The following ZNF740 variants were observed in gnomAD, a reference collection of about 807,000 sequenced individuals.
ZNF740 encodes the protein oriLyt TD-element-binding protein 7.
ZNF740 carries 14 observed loss-of-function variants against 24.8 expected under a neutral mutation model. The observed-to-expected ratio is 0.56, with a 90% CI of 0.37 to 0.88. ZNF740 has a LOEUF of 0.88. Among genes scored for constraint, ZNF740 ranks in the 40% least tolerant of loss-of-function variants. The pLI is 0.00. For synonymous variants in ZNF740, 69 were observed against 84.0 expected (o/e 0.82, Z 0.98); for missense variants, 201 against 247.9 (o/e 0.81, Z 1.27).
At chr12:53,184,855 C>A in intron 2 of ZNF740, 36 bp from the exon 3 acceptor site, 1 of 1,596,158 alleles carries the variant, frequency 6.3e-7, no homozygotes, top group Non-Finnish European at 8.5e-7. Flanking sequence ...CCCTGCCCTG[C>A]CAGGTGACCT....
Position 53,192,345 on chromosome 12 carries a change from C to T in ZNF740, c.*4755C>T. The T allele has an allele frequency of 6.2e-7, 1 of 1,614,120 alleles. No individual in the cohort carries two copies. The highest frequency in any genetic ancestry group is 8.5e-7 in the Non-Finnish European group (1 of 1,180,038). ...GCCCACTTACTTTCTTGGGGTCTCA[C>T]TCTGAGCACGACCGTGCCTCTGGCG... On this transcript the variant is annotated 3_prime_UTR_variant, in exon 7 of 7. Coordinates refer to ENST00000416904, the MANE Select transcript of ZNF740 (RefSeq NM_001004304.4).
At position 53,192,902 on chromosome 12, in the gene ZNF740, G is replaced by A. The variant is rs765407166; in HGVS notation, c.*5312G>A. 33 of 1,613,776 alleles carry A rather than the reference G, an allele frequency of 2.0e-5. No homozygotes were observed. Among genetic ancestry groups the A allele is most frequent in the African/African-American group, 1.2e-4 (9 of 74,918 alleles). ...CAGTGACATACTCCACATTGGCAGC[G>A]ACCAAAGCCTGGGGTAGAGCCATGC... On this transcript the variant is annotated 3_prime_UTR_variant, in exon 7 of 7. Coordinates refer to ENST00000416904, the MANE Select transcript of ZNF740 (RefSeq NM_001004304.4).
intron 2 of ZNF740, among the ~76,000 whole-genome samples, chr12:53,184,252 G>A (rs1941779028): frequency 6.6e-6 from 1 of 151,092 alleles, no homozygotes; most frequent in African/African-American, 2.4e-5. Context: ...GCAGTGGCGC[G>A]ATTTCGGCTC....
In ZNF740 at chr12:53,192,673, C is replaced by G. The variant is rs780639538; in HGVS notation, c.*5083C>G. On this transcript the variant is annotated 3_prime_UTR_variant, in exon 7 of 7. Transcript: ENST00000416904. ...CCACTGTGCCCCTGCTCCCAAGATGCAAGACCTGAGGCCTCACCGGTGTCT... is the reference window on the plus strand; with the variant it reads ...CCACTGTGCCCCTGCTCCCAAGATGGAAGACCTGAGGCCTCACCGGTGTCT... 1.9e-6 allele frequency: 3 copies of G among 1,609,706 alleles called. No individual in the cohort carries two copies. Among genetic ancestry groups the G allele is most frequent in the South Asian group, 2.2e-5 (2 of 90,972 alleles).
In ZNF740 at chr12:53,191,805, G is replaced by A. The variant is rs1229999153; in HGVS notation, c.*4215G>A. 3 of 1,607,562 alleles carry A rather than the reference G, an allele frequency of 1.9e-6. No individual in the cohort carries two copies. Among genetic ancestry groups the A allele is most frequent in the Non-Finnish European group, 2.6e-6 (3 of 1,174,826 alleles). ...GAACCCAGTGGGAGGAATCAGGGCT[G>A]GTCTTGTGGTGGGGGAACAGCTAAA... On this transcript the variant is annotated 3_prime_UTR_variant, in exon 7 of 7. Transcript: ENST00000416904.
Position 53,194,416 on chromosome 12 carries a change from C to T in ZNF740, c.*6826C>T, listed in dbSNP as rs1942084910. On this transcript the variant is annotated 3_prime_UTR_variant, in exon 7 of 7. Transcript: ENST00000416904. ...CTCCAACCCCACCTTATGTCCTCTC[C>T]AGGTGTTCCCAATTCTGCCAGCACC... The T allele has an allele frequency of 2.0e-6, 3 of 1,484,510 alleles. No homozygotes were observed. The Admixed American group carries it at 5.7e-5, about 28-fold the overall frequency. 92.0% of individuals were successfully genotyped at this position (1,484,510 alleles called of 1,614,324 possible). A position where few individuals can be genotyped will look rare whatever the true frequency, so the allele number is the denominator to read the frequency against.
Position 53,187,656 on chromosome 12 carries a change from C to G in ZNF740, c.*66C>G. 7.6e-7 allele frequency: 1 copy of G among 1,324,084 alleles called. No homozygotes were observed. The highest frequency in any genetic ancestry group is 1.1e-6 in the Non-Finnish European group (1 of 927,616). The allele number at this position is 1,324,084 out of a possible 1,614,324, so 82.0% of individuals were successfully genotyped here. A position where few individuals can be genotyped will look rare whatever the true frequency, so the allele number is the denominator to read the frequency against. On this transcript the variant is annotated 3_prime_UTR_variant, in exon 7 of 7. Coordinates refer to ENST00000416904, the MANE Select transcript of ZNF740 (RefSeq NM_001004304.4). ...TGCCGAAGAGCACACCCCCTCTGGT[C>G]TGATGGTCCCACCACCGCCCCATGT...
chr12:53,186,258 T>G, intron 5 of ZNF740, 133 bp from the exon 6 acceptor site: 1 of 1,127,106 alleles, frequency 8.9e-7, no homozygotes, highest in Non-Finnish European at 1.3e-6. Context: ...ACCAGCACCT[T>G]TGGGGACCTC....
intron 4 of ZNF740, among the ~76,000 whole-genome samples, 172 bp from the exon 5 acceptor site, chr12:53,185,782 C>T (rs1308188535): frequency 6.6e-6 from 1 of 152,216 alleles, no homozygotes; most frequent in Non-Finnish European, 1.5e-5. Flanking sequence ...ACCCACTCCA[C>T]CTCCTTCCCC....
Position 53,193,561 on chromosome 12 carries a change from A to T in ZNF740, c.*5971A>T. 1.3e-6 allele frequency: 1 copy of T among 797,464 alleles called. No homozygotes were observed. Among genetic ancestry groups the T allele is most frequent in the Non-Finnish European group, 2.0e-6 (1 of 505,316 alleles). 49.4% of individuals were successfully genotyped at this position (797,464 alleles called of 1,614,324 possible). ...AGTCAGGGGGAGGGCCTGGACATAC[A>T]TGGGAAGCTTCAAGGGATGAAACTG... On this transcript the variant is annotated 3_prime_UTR_variant, in exon 7 of 7. Transcript: ENST00000416904.
chr12:53,185,067 C>T (rs750801721), intron 3 of ZNF740, 27 bp downstream of exon 3: 6 of 1,611,202 alleles, frequency 3.7e-6, no homozygotes, highest in Non-Finnish European at 3.4e-6. Context: ...CATTGTGGCA[C>T]CTGGGGATCG....
chr12:53,186,302 T>C (rs1941819307), intron 5 of ZNF740, 89 bp from the exon 6 acceptor site: 1 of 1,283,988 alleles, frequency 7.8e-7, no homozygotes, highest in Non-Finnish European at 1.1e-6. Context: ...GTCTACACAT[T>C]ACTAAGAGTT....
At position 53,193,774 on chromosome 12, in the gene ZNF740, C is replaced by T; in HGVS notation, c.*6184C>T. ...GTGGGGAGCCTGGGGCTGGGTGTCA[C>T]TGCAATTACAGTCACACAGCGTGTG... is the stretch of plus-strand genomic sequence containing the variant. On this transcript the variant is annotated 3_prime_UTR_variant, in exon 7 of 7. Coordinates refer to ENST00000416904, the MANE Select transcript of ZNF740 (RefSeq NM_001004304.4). 1 of 1,614,080 alleles carries T rather than the reference C, an allele frequency of 6.2e-7. No homozygotes were observed. The highest frequency in any genetic ancestry group is 8.5e-7 in the Non-Finnish European group (1 of 1,180,006).
At chr12:53,182,255 T>A in intron 2 of ZNF740, 1 of 517,412 alleles carries the variant, frequency 1.9e-6, no homozygotes, top group Non-Finnish European at 3.5e-6. Flanking sequence ...TCAGTTTACA[T>A]TTGGTACATT....
rs757663540 is a variant in ZNF740, at chr12:53,191,776, G to C, written c.*4186G>C. ...GGGTTGGTTACATGTGCCAGGGGCTGGGGGAACCCAGTGGGAGGAATCAGG... is the reference window on the plus strand; with the variant it reads ...GGGTTGGTTACATGTGCCAGGGGCTCGGGGAACCCAGTGGGAGGAATCAGG... On this transcript the variant is annotated 3_prime_UTR_variant, in exon 7 of 7. Transcript: ENST00000416904. 1.3e-6 allele frequency: 2 copies of C among 1,579,744 alleles called. No homozygotes were observed. Among genetic ancestry groups the C allele is most frequent in the Non-Finnish European group, 1.7e-6 (2 of 1,150,768 alleles).
intron 2 of ZNF740, among the ~76,000 whole-genome samples, chr12:53,182,460 A>C (rs781616311): frequency 6.6e-6 from 1 of 152,182 alleles, no homozygotes; most frequent in South Asian, 2.1e-4. Flanking sequence ...ATTTATTTTT[A>C]TATTCACAAT....
At chr12:53,184,282 G>C (rs11170462) in intron 2 of ZNF740, among the ~76,000 whole-genome samples, 3 of 151,688 alleles carry the variant, frequency 2.0e-5, no homozygotes, top group East Asian at 2.0e-4. Flanking sequence ...TCCGCCTCCC[G>C]GGTTCAAGCA....
chr12:53,194,435 C>G lies in ZNF740; in HGVS notation c.*6845C>G. The G allele has an allele frequency of 7.5e-7, 1 of 1,339,528 alleles. No individual in the cohort carries two copies. The highest frequency in any genetic ancestry group is 1.4e-5 in the African/African-American group (1 of 69,286). The allele number at this position is 1,339,528 out of a possible 1,614,324, so 83.0% of individuals were successfully genotyped here. A position where few individuals can be genotyped will look rare whatever the true frequency, so the allele number is the denominator to read the frequency against. ...CCTCTCCAGGTGTTCCCAATTCTGC[C>G]AGCACCCTGCCCTCTGCCACCTGGG... On this transcript the variant is annotated 3_prime_UTR_variant, in exon 7 of 7. Coordinates refer to ENST00000416904, the MANE Select transcript of ZNF740 (RefSeq NM_001004304.4).
chr12:53,186,305 TA>T, intron 5 of ZNF740, 85 bp from the exon 6 acceptor site: 1 of 1,310,996 alleles, frequency 7.6e-7, no homozygotes, highest in Non-Finnish European at 1.1e-6. Flanking sequence ...TACACATTAC[TA>T]AGAGTTAAAG....
Sources: gnomAD v4.1 joint callset for allele counts (sites outside exome capture counted in the v4.1 genomes callset) on GRCh38, gnomAD v4.1.1 for gene constraint, MANE v1.5 for transcripts, NCBI Gene and HGNC (gene_info 2026-07-23, HGNC 2026-07-21) for gene names.